ST8SIA2: variants seen among roughly 807,000 people sequenced by gnomAD.
The protein encoded by ST8SIA2 is ST8 alpha-N-acetyl-neuraminide alpha-2,8-sialyltransferase 2, also known as alpha-2,8-sialyltransferase 8B.
Under a neutral mutation model 37.6 loss-of-function variants are expected in ST8SIA2, and 22 were observed. The observed-to-expected ratio is 0.58, with a 90% CI of 0.42 to 0.83. The LOEUF is 0.83. ST8SIA2 is among the 40% of genes least tolerant of loss of function. The pLI, the probability that ST8SIA2 is intolerant of heterozygous loss-of-function variation, is 0.00. For missense variants in ST8SIA2, 382 were observed against 484.7 expected (o/e 0.79, Z 1.99); for synonymous variants, 205 against 201.2 (o/e 1.02, Z -0.16).
intron 1 of ST8SIA2, among the ~76,000 whole-genome samples, chr15:92,416,526 T>C (rs1327040278): frequency 6.6e-6 from 1 of 151,742 alleles, no homozygotes; most frequent in Non-Finnish European, 1.5e-5. Flanking sequence ...AAAGAGAAGG[T>C]CAAAGAAAAC....
chr15:92,409,300 G>T (rs1347057282), intron 1 of ST8SIA2, among the ~76,000 whole-genome samples: 1 of 152,196 alleles, frequency 6.6e-6, no homozygotes, highest in African/African-American at 2.4e-5. Context: ...TGCTGGTCTG[G>T]CTGGCTTAAT....
rs943908878 is a variant in ST8SIA2, at chr15:92,412,009, T to C, written c.98+17847T>C. ...AGGCAAGACAGGCAGGTGCTCCCGG[T>C]GGGAGGGTCCTTACAGACGAGGGCC... On this transcript the variant is annotated intron_variant, in intron 1 of 5. Transcript: ENST00000268164. 7.2e-5 allele frequency among the ~76,000 whole-genome samples: 11 copies of C among 152,026 alleles called. No individual in the cohort carries two copies. In the Middle Eastern group the frequency reaches 0.014, roughly 189 times the overall value.
At chr15:92,414,529 A>G (rs2049572979) in intron 1 of ST8SIA2, among the ~76,000 whole-genome samples, 1 of 152,232 alleles carries the variant, frequency 6.6e-6, no homozygotes, top group South Asian at 2.1e-4. Flanking sequence ...CTCACTGTCA[A>G]TCTTGGCATG....
chr15:92,458,149 T>C (rs2049932614), intron 5 of ST8SIA2, among the ~76,000 whole-genome samples: 1 of 152,206 alleles, frequency 6.6e-6, no homozygotes, highest in African/African-American at 2.4e-5. Context: ...AACAGAAGTT[T>C]ATTTCTCACT....
At chr15:92,447,719 C>G (rs976865226) in intron 5 of ST8SIA2, among the ~76,000 whole-genome samples, 2 of 152,146 alleles carry the variant, frequency 1.3e-5, no homozygotes, top group African/African-American at 4.8e-5. Flanking sequence ...CAAGAAAGCC[C>G]GAGAGAGACA....
chr15:92,406,989 T>G (rs1396192297), intron 1 of ST8SIA2, among the ~76,000 whole-genome samples: 1 of 135,814 alleles, frequency 7.4e-6, no homozygotes, highest in Non-Finnish European at 1.6e-5. Flanking sequence ...AATGAAACCC[T>G]GTCTCAAAAA....
chr15:92,434,160 A>C, intron 2 of ST8SIA2, 87 bp from the exon 3 acceptor site: 1 of 1,592,644 alleles, frequency 6.3e-7, no homozygotes, highest in Non-Finnish European at 8.5e-7. Context: ...GTTTACATTC[A>C]AGCCCGTGCA....
At chr15:92,442,323 G>T (rs554575999) in intron 4 of ST8SIA2, among the ~76,000 whole-genome samples, 2 of 152,208 alleles carry the variant, frequency 1.3e-5, no homozygotes, top group Non-Finnish European at 2.9e-5. Context: ...GGGCCTGCCT[G>T]CAAGGAGCTC....
chr15:92,415,578 C>G (rs934017968), intron 1 of ST8SIA2, among the ~76,000 whole-genome samples: 16 of 151,904 alleles, frequency 1.1e-4, no homozygotes, highest in Admixed American at 8.5e-4. Context: ...ACCCCGCCCC[C>G]ACAACAAGAG....
At position 92,420,316 on chromosome 15, in the gene ST8SIA2, T is replaced by C. The variant is rs113984989; in HGVS notation, c.99-9733T>C. ...TAAGTTATATTGTCCCCCCGCCGGT[T>C]ATAGGTGACCCACAGTTTCATTATG... On this transcript the variant is annotated intron_variant, in intron 1 of 5. Transcript: ENST00000268164. Among the ~76,000 whole-genome samples, 1,121 of 152,336 alleles carry C rather than the reference T, an allele frequency of 7.4e-3. 9 individuals are homozygous for C. Among genetic ancestry groups the C allele is most frequent in the South Asian group, 0.017 (80 of 4,824 alleles).
At position 92,444,495 on chromosome 15, in the gene ST8SIA2, G is replaced by T. The variant is rs1282203928; in HGVS notation, c.549-141G>T. The T allele has an allele frequency of 2.3e-5, 22 of 945,666 alleles. No individual in the cohort carries two copies. In the South Asian group the frequency reaches 2.6e-4, roughly 11 times the overall value. 58.6% of individuals were successfully genotyped at this position (945,666 alleles called of 1,614,324 possible). ...AGGAGGAGAAAGGATGATGGGAGGGGCCTGTGAGTGTGGAGAGATGCCCTG... is the reference window on the plus strand; with the variant it reads ...AGGAGGAGAAAGGATGATGGGAGGGTCCTGTGAGTGTGGAGAGATGCCCTG... On this transcript the variant is annotated intron_variant, in intron 4 of 5. Coordinates refer to ENST00000268164, the MANE Select transcript of ST8SIA2 (RefSeq NM_006011.4).
chr15:92,455,929 CA>C (rs1445020307), intron 5 of ST8SIA2, among the ~76,000 whole-genome samples: 1 of 152,228 alleles, frequency 6.6e-6, no homozygotes, highest in East Asian at 1.9e-4. Flanking sequence ...GTATTATCAA[CA>C]TTAGTTATAT....
chr15:92,406,674 G>A (rs2049510126), intron 1 of ST8SIA2, among the ~76,000 whole-genome samples: 1 of 152,172 alleles, frequency 6.6e-6, no homozygotes, highest in Non-Finnish European at 1.5e-5. Flanking sequence ...AGCCTAGAGG[G>A]ACCTCCAAAT....
intron 5 of ST8SIA2, among the ~76,000 whole-genome samples, 162 bp from the exon 6 acceptor site, chr15:92,463,938 C>T (rs1674957842): frequency 6.6e-6 from 1 of 152,052 alleles, no homozygotes; most frequent in Non-Finnish European, 1.5e-5. Flanking sequence ...GCTTCATGTG[C>T]TTGTCACTCC....
At chr15:92,408,810 ATT>A (rs764365404) in intron 1 of ST8SIA2, among the ~76,000 whole-genome samples, 3 of 151,840 alleles carry the variant, frequency 2.0e-5, no homozygotes, top group Non-Finnish European at 4.4e-5. Context: ...GGTTCAAGCA[ATT>A]CTCCTGCCTC....
chr15:92,420,418 G>A (rs1369288771), intron 1 of ST8SIA2, among the ~76,000 whole-genome samples: 2 of 152,190 alleles, frequency 1.3e-5, no homozygotes, highest in African/African-American at 4.8e-5. Context: ...GCATTTTGAT[G>A]TGCAGATGCC....
chr15:92,443,681 G>A (rs562526153), intron 4 of ST8SIA2, among the ~76,000 whole-genome samples: 18 of 152,086 alleles, frequency 1.2e-4, no homozygotes, highest in African/African-American at 4.3e-4. Context: ...CACACAATAT[G>A]CTCCAGTCGG....
At chr15:92,435,699 A>G (rs186097516) in intron 3 of ST8SIA2, among the ~76,000 whole-genome samples, 13 of 152,186 alleles carry the variant, frequency 8.5e-5, no homozygotes, top group Admixed American at 6.5e-4. Flanking sequence ...AACCATCTGA[A>G]GTAGCTGACT....
At position 92,434,165 on chromosome 15, in the gene ST8SIA2, C is replaced by T. The variant is rs111389688; in HGVS notation, c.162-82C>T. On this transcript the variant is annotated intron_variant, in intron 2 of 5. Coordinates refer to ENST00000268164, the MANE Select transcript of ST8SIA2 (RefSeq NM_006011.4). Reference sequence around the variant, plus strand: ...TTCTGGAGAAGTTTACATTCAAGCCCGTGCAAAAACAAAACTATTAGACTT... The same window carrying T: ...TTCTGGAGAAGTTTACATTCAAGCCTGTGCAAAAACAAAACTATTAGACTT... 51 of 1,596,658 alleles carry T rather than the reference C, an allele frequency of 3.2e-5. 1 individual carries two copies. The Middle Eastern group carries it at 1.3e-3, about 41-fold the overall frequency.
Sources: allele counts gnomAD v4.1 joint callset (sites outside exome capture counted in the v4.1 genomes callset), GRCh38; gene constraint gnomAD v4.1.1; transcripts MANE v1.5; gene names NCBI Gene and HGNC (gene_info 2026-07-23, HGNC 2026-07-21).